ADGRL3: variants seen among roughly 807,000 people sequenced by gnomAD.
ADGRL3 encodes calcium-independent alpha-latrotoxin receptor 3.
A neutral mutation model predicts 153.5 loss-of-function variants in ADGRL3; 62 were observed. The ratio of observed to expected loss-of-function variants is 0.40; its 90% CI spans 0.33 to 0.50. The LOEUF (loss-of-function observed/expected upper bound fraction) is 0.50, where lower values mean the gene tolerates loss of function less well. Ranked by LOEUF, ADGRL3 falls within the 20% of genes least tolerant of loss-of-function variation. The pLI, the probability that ADGRL3 is intolerant of heterozygous loss-of-function variation, is 0.47. For synonymous variants in ADGRL3, 710 were observed against 672.5 expected (o/e 1.06, Z -0.86); for missense variants, 1,641 against 1,859.4 (o/e 0.88, Z 2.16).
At chr4:61,902,491 C>T (rs180828244) in intron 11 of ADGRL3, among the ~76,000 whole-genome samples, 317 of 152,262 alleles carry the variant, frequency 2.1e-3, no homozygotes, top group African/African-American at 7.3e-3. Flanking sequence ...CCTAATTAGA[C>T]GGATCCTATT....
At chr4:61,212,814 G>A (rs1029411372) in intron 1 of ADGRL3, among the ~76,000 whole-genome samples, 1 of 152,026 alleles carries the variant, frequency 6.6e-6, no homozygotes, top group Admixed American at 6.6e-5. Context: ...CAAAGAAGAA[G>A]GAACACTAAA....
In ADGRL3 at chr4:61,368,451, G is replaced by A. The variant is rs570496763; in HGVS notation, c.-239-14673G>A. Among the ~76,000 whole-genome samples the A allele has an allele frequency of 6.8e-3, 1,035 of 152,178 alleles. 18 individuals are homozygous for A. The highest frequency in any genetic ancestry group is 0.023 in the African/African-American group (974 of 41,506). ...AGTTTCAGCTTTTCTACATATGGCT[G>A]GCCAGTTTTCCCAGCACCATTTATT... On this transcript the variant is annotated intron_variant, in intron 1 of 26. Coordinates refer to ENST00000683033, the MANE Select transcript of ADGRL3 (RefSeq NM_001387552.1).
chr4:61,891,526 C>G (rs2098585723), intron 9 of ADGRL3, among the ~76,000 whole-genome samples: 2 of 152,166 alleles, frequency 1.3e-5, no homozygotes, highest in East Asian at 3.9e-4. Context: ...CACCATGTCT[C>G]TCCTGTTTCT....
intron 1 of ADGRL3, among the ~76,000 whole-genome samples, chr4:61,271,468 A>C (rs562547528): frequency 6.6e-6 from 1 of 152,146 alleles, no homozygotes; most frequent in East Asian, 1.9e-4. Flanking sequence ...TTTTATACAC[A>C]CATCAATGTG....
intron 4 of ADGRL3, among the ~76,000 whole-genome samples, chr4:61,578,698 C>A (rs1446343682): frequency 2.6e-5 from 4 of 152,046 alleles, no homozygotes; most frequent in Non-Finnish European, 5.9e-5. Flanking sequence ...TATCCCCTCT[C>A]CGATATCCAT....
intron 8 of ADGRL3, among the ~76,000 whole-genome samples, chr4:61,812,534 T>C (rs976045832): frequency 6.6e-6 from 1 of 152,234 alleles, no homozygotes; most frequent in Non-Finnish European, 1.5e-5. Context: ...ATAGTAAATG[T>C]GTGAAATATA....
chr4:61,584,938 T>C (rs759575237), intron 4 of ADGRL3, among the ~76,000 whole-genome samples: 6 of 151,976 alleles, frequency 3.9e-5, no homozygotes, highest in Non-Finnish European at 7.4e-5. Context: ...AAGCATCCAA[T>C]TTCTGAGTGA....
chr4:62,060,745 CATG>C (rs996454516), intron 25 of ADGRL3, among the ~76,000 whole-genome samples: 15 of 151,724 alleles, frequency 9.9e-5, no homozygotes, highest in Admixed American at 6.6e-4. Context: ...CAAAAGGCAC[CATG>C]ATGAACTCTT....
intron 5 of ADGRL3, among the ~76,000 whole-genome samples, chr4:61,606,014 G>A (rs1291243916): frequency 6.6e-6 from 1 of 152,158 alleles, no homozygotes; most frequent in Non-Finnish European, 1.5e-5. Flanking sequence ...TAGATGCAAT[G>A]AGAGTGATAC....
intron 2 of ADGRL3, among the ~76,000 whole-genome samples, chr4:61,387,859 A>C (rs1288517594): frequency 6.6e-6 from 1 of 152,178 alleles, no homozygotes; most frequent in Non-Finnish European, 1.5e-5. Flanking sequence ...GGAAATCACA[A>C]GGGTATTGAT....
At chr4:61,215,157 C>G (rs760296879) in intron 1 of ADGRL3, among the ~76,000 whole-genome samples, 1 of 152,090 alleles carries the variant, frequency 6.6e-6, no homozygotes, top group African/African-American at 2.4e-5. Context: ...GACATATTTA[C>G]GATACATTTC....
chr4:61,471,782 G>T lies in ADGRL3; in HGVS notation c.-173-25339G>T, dbSNP rs576899211. ...AGGGATTTCTTGTAATCACAGAAAT[G>T]GTCGATTAAGGTATTATTGAACAGA... On this transcript the variant is annotated intron_variant, in intron 2 of 26. Coordinates refer to ENST00000683033, the MANE Select transcript of ADGRL3 (RefSeq NM_001387552.1). 2.3e-4 allele frequency among the ~76,000 whole-genome samples: 35 copies of T among 151,940 alleles called. No homozygotes were observed. The South Asian group carries it at 7.1e-3, about 31-fold the overall frequency.
chr4:61,280,404 G>T (rs2093675852), intron 1 of ADGRL3, among the ~76,000 whole-genome samples: 1 of 70,458 alleles, frequency 1.4e-5, no homozygotes, highest in Non-Finnish European at 2.9e-5. Context: ...ACTGCGCCTG[G>T]CCTTTATTTT....
At chr4:61,230,345 G>A (rs1298260622) in intron 1 of ADGRL3, among the ~76,000 whole-genome samples, 1 of 152,144 alleles carries the variant, frequency 6.6e-6, no homozygotes, top group African/African-American at 2.4e-5. Context: ...AGATGAAACA[G>A]TGCTTAGTAG....
chr4:61,754,172 T>A lies in ADGRL3; in HGVS notation c.1399+20618T>A, dbSNP rs372916447. On this transcript the variant is annotated intron_variant, in intron 8 of 26. Transcript: ENST00000683033. ...TTCTAGTCATATCTGATTCTATACA[T>A]ATTATTTTCAAATATGACCTTCCAG... 1.6e-4 allele frequency among the ~76,000 whole-genome samples: 25 copies of A among 152,332 alleles called. No individual in the cohort carries two copies. The South Asian group carries it at 5.0e-3, about 30-fold the overall frequency.
chr4:62,067,848 A>G (rs1743820836), intron 25 of ADGRL3, among the ~76,000 whole-genome samples: 1 of 152,022 alleles, frequency 6.6e-6, no homozygotes, highest in African/African-American at 2.4e-5. Flanking sequence ...TCTGCCCTCA[A>G]ATTTTTACTC....
At chr4:61,714,663 A>G (rs2096071807) in intron 6 of ADGRL3, among the ~76,000 whole-genome samples, 1 of 152,164 alleles carries the variant, frequency 6.6e-6, no homozygotes, top group African/African-American at 2.4e-5. Flanking sequence ...GGAGGAGCTC[A>G]TGCAGATTTT....
Position 61,724,018 on chromosome 4 carries a change from C to G in ADGRL3, c.584-6604C>G, listed in dbSNP as rs186605108. Among the ~76,000 whole-genome samples the G allele has an allele frequency of 3.3e-5, 5 of 152,286 alleles. No homozygotes were observed. The East Asian group carries it at 9.7e-4, about 29-fold the overall frequency. Reference sequence around the variant, plus strand: ...GTGTTATGATTGTTACTATTTGTCTCTATTCACATCTGTAAGTGTGTTGAG... The same window carrying G: ...GTGTTATGATTGTTACTATTTGTCTGTATTCACATCTGTAAGTGTGTTGAG... On this transcript the variant is annotated intron_variant, in intron 6 of 26. Transcript: ENST00000683033.
chr4:61,244,902 A>T (rs932943477), intron 1 of ADGRL3, among the ~76,000 whole-genome samples: 1 of 152,004 alleles, frequency 6.6e-6, no homozygotes, highest in Admixed American at 6.6e-5. Flanking sequence ...ATTGTATGCT[A>T]TATTGCTGGT....
Sources: gnomAD v4.1 joint callset for allele counts (sites outside exome capture counted in the v4.1 genomes callset) on GRCh38, gnomAD v4.1.1 for gene constraint, MANE v1.5 for transcripts, NCBI Gene and HGNC (gene_info 2026-07-23, HGNC 2026-07-21) for gene names.